Variants in LCK observed in about 807,000 individuals in gnomAD.
LCK encodes the protein tyrosine-protein kinase Lck.
Under a neutral mutation model 64.6 loss-of-function variants are expected in LCK, and 14 were observed. The observed-to-expected ratio is 0.22, with a 90% CI of 0.14 to 0.34. The LOEUF (loss-of-function observed/expected upper bound fraction) is 0.34. Ranked by LOEUF, LCK falls within the 10% of genes least tolerant of loss-of-function variation. LCK has a pLI of 1.00. For missense variants in LCK, 434 were observed against 668.1 expected (o/e 0.65, Z 3.86); for synonymous variants, 277 against 263.6 (o/e 1.05, Z -0.49).
chr1:32,267,916 C>A lies in LCK; in HGVS notation c.-5-6409C>A, dbSNP rs527979993. Among the ~76,000 whole-genome samples, 3 of 149,886 alleles carry A rather than the reference C, an allele frequency of 2.0e-5. No homozygotes were observed. In the East Asian group the frequency reaches 6.0e-4, roughly 30 times the overall value. On this transcript the variant is annotated intron_variant, in intron 1 of 12. Coordinates refer to ENST00000336890, the MANE Select transcript of LCK (RefSeq NM_005356.5). Reference sequence around the variant, plus strand: ...TCTCAAAAAATAATAATAATAAGGCCGGGCACAGTGGCTCACGCCTGTAAT... The same window carrying A: ...TCTCAAAAAATAATAATAATAAGGCAGGGCACAGTGGCTCACGCCTGTAAT...
At chr1:32,253,431 G>A (rs377657847) in intron 1 of LCK, among the ~76,000 whole-genome samples, 2 of 152,076 alleles carry the variant, frequency 1.3e-5, no homozygotes, top group Non-Finnish European at 2.9e-5. Context: ...ATTAACAGGC[G>A]CGCCACCATG....
intron 12 of LCK, among the ~76,000 whole-genome samples, chr1:32,285,153 T>C (rs1351167129): frequency 6.6e-6 from 1 of 151,874 alleles, no homozygotes; most frequent in East Asian, 1.9e-4. Context: ...AATACAAAAT[T>C]AGCTTGGCGT....
chr1:32,274,230 C>T, intron 1 of LCK, 95 bp from the exon 2 acceptor site: 1 of 1,596,938 alleles, frequency 6.3e-7, no homozygotes, highest in Non-Finnish European at 8.5e-7. Context: ...ATCTCAGGTA[C>T]TTTTGGAACT....
intron 1 of LCK, among the ~76,000 whole-genome samples, chr1:32,263,955 C>A (rs1322997146): frequency 1.3e-5 from 2 of 151,912 alleles, no homozygotes. Context: ...ATGGGGTATA[C>A]CCACATTTTG....
chr1:32,274,292 G>A (rs1283831307), intron 1 of LCK, 33 bp from the exon 2 acceptor site: 6 of 1,613,650 alleles, frequency 3.7e-6, no homozygotes, highest in Admixed American at 1.7e-5. Context: ...GATCTTGGGG[G>A]AGCCCCTTCA....
In LCK at chr1:32,285,559, G is replaced by T. The variant is rs1405031975; in HGVS notation, c.1373G>T (p.Arg458Leu). 7 of 1,614,118 alleles carry T rather than the reference G, an allele frequency of 4.3e-6. No individual in the cohort carries two copies. Among genetic ancestry groups the T allele is most frequent in the Non-Finnish European group, 5.9e-6 (7 of 1,180,052 alleles). The change falls in exon 13 of 13, where the codon CGC (arginine) becomes CTC (leucine). Residue 458 changes from arginine to leucine, a missense_variant. Physicochemically the swap from Arg to Leu is moderately radical, Grantham distance 102. This residue lies in a region of LCK where 201 missense variants were observed against 376.9 expected (regional missense o/e 0.53). Coordinates refer to ENST00000336890, the MANE Select transcript of LCK (RefSeq NM_005356.5). ...ATTCAGAACCTGGAGCGAGGCTACC[G>T]CATGGTGCGCCCTGACAACTGTCCA... ...EVIQNLERGYRMVRPDNCPEE... is the reference protein window; with the variant it reads ...EVIQNLERGYLMVRPDNCPEE...
At chr1:32,255,181 C>T (rs998719101) in intron 1 of LCK, among the ~76,000 whole-genome samples, 6 of 152,086 alleles carry the variant, frequency 3.9e-5, no homozygotes, top group African/African-American at 1.4e-4. Flanking sequence ...TGCAGGCTGG[C>T]AGACCGGGAC....
At chr1:32,268,010 C>T (rs1236951610) in intron 1 of LCK, among the ~76,000 whole-genome samples, 4 of 151,764 alleles carry the variant, frequency 2.6e-5, no homozygotes, top group Admixed American at 2.6e-4. Context: ...CTGGCAAACA[C>T]GATGAAACCC....
chr1:32,259,629 A>AATAAT (rs1639717536), intron 1 of LCK, among the ~76,000 whole-genome samples: 1 of 149,506 alleles, frequency 6.7e-6, no homozygotes, highest in South Asian at 2.1e-4. Context: ...AAAAAAATAA[A>AATAAT]AATAATAATA....
chr1:32,279,263 G>C (rs1232270400), intron 9 of LCK, among the ~76,000 whole-genome samples: 1 of 152,124 alleles, frequency 6.6e-6, no homozygotes, highest in Non-Finnish European at 1.5e-5. Flanking sequence ...ATTTTTTTTA[G>C]CAGGCAGAGA....
Position 32,280,196 on chromosome 1 carries a change from G to A in LCK, c.1313G>A (p.Arg438His). Residue 438 changes from arginine to histidine, a missense_variant, in exon 12 of 13, where the codon CGC becomes CAC. By Grantham distance (29) the Arg-to-His change is conservative. Around this residue, in one of 2 missense-constraint regions of LCK, gnomAD observed 201 missense variants for 376.9 expected, o/e 0.53. Coordinates refer to ENST00000336890, the MANE Select transcript of LCK (RefSeq NM_005356.5). ...ILLTEIVTHG[R>H]IPYPGMTNPE... is the part of the protein sequence containing the mutation. Reference sequence around the variant, plus strand: ...CTGACGGAAATTGTCACCCACGGCCGCATCCCTTACCCAGGTTAGAGCCAA... The same window carrying A: ...CTGACGGAAATTGTCACCCACGGCCACATCCCTTACCCAGGTTAGAGCCAA... The A allele has an allele frequency of 6.2e-7, 1 of 1,614,080 alleles. No homozygotes were observed. Among genetic ancestry groups the A allele is most frequent in the Non-Finnish European group, 8.5e-7 (1 of 1,180,010 alleles).
At chr1:32,267,189 G>T (rs1557577495) in intron 1 of LCK, among the ~76,000 whole-genome samples, 1 of 151,992 alleles carries the variant, frequency 6.6e-6, no homozygotes, top group Non-Finnish European at 1.5e-5. Flanking sequence ...AAAGTCATTT[G>T]CAGTCACAGA....
chr1:32,274,964 G>C (rs948436853), intron 3 of LCK, 29 bp from the exon 4 acceptor site: 2 of 1,614,000 alleles, frequency 1.2e-6, no homozygotes, highest in African/African-American at 2.7e-5. Context: ...TCCCAGCTCG[G>C]TTCTCCCTGA....
At position 32,275,978 on chromosome 1, in the gene LCK, G is replaced by T. The variant is rs1323990193; in HGVS notation, c.546G>T (p.Lys182Asn). The T allele has an allele frequency of 3.1e-6, 5 of 1,614,178 alleles. No homozygotes were observed. Among genetic ancestry groups the T allele is most frequent in the Non-Finnish European group, 4.2e-6 (5 of 1,180,014 alleles). The change falls in exon 7 of 13, where the codon AAG becomes AAT. Residue 182 changes from lysine (K) to asparagine (N), a missense_variant. By Grantham distance (94) the Lys-to-Asn change is moderately conservative. Transcript: ENST00000336890. The surrounding 1 kb of genome is among the most constrained non-coding windows in gnomAD (Gnocchi z 6.9). ...AGGGAGAGGTGGTGAAACATTACAA[G>T]ATCCGTAATCTGGACAACGGTGGCT... Reference protein sequence around the residue: ...QNQGEVVKHYKIRNLDNGGFY... With the variant: ...QNQGEVVKHYNIRNLDNGGFY...
At chr1:32,264,518 T>C (rs1333010040) in intron 1 of LCK, among the ~76,000 whole-genome samples, 3 of 151,968 alleles carry the variant, frequency 2.0e-5, no homozygotes, top group Non-Finnish European at 2.9e-5. Flanking sequence ...GGTTTTGATA[T>C]GAGTTTTGCA....
intron 9 of LCK, among the ~76,000 whole-genome samples, chr1:32,277,876 A>T (rs186574621): frequency 4.7e-4 from 72 of 152,308 alleles, no homozygotes; most frequent in Admixed American, 2.6e-3. Context: ...CATACAGAGC[A>T]GTTAGAACTA....
At chr1:32,267,140 G>T (rs776110514) in intron 1 of LCK, among the ~76,000 whole-genome samples, 1 of 151,706 alleles carries the variant, frequency 6.6e-6, no homozygotes, top group Non-Finnish European at 1.5e-5. Context: ...CTTTACTGGG[G>T]GCTCTTGTTG....
rs963065697 is a variant in LCK, at chr1:32,285,376, T to C, written c.1328-138T>C. 7 of 762,348 alleles carry C rather than the reference T, an allele frequency of 9.2e-6. No homozygotes were observed. The African/African-American group carries it at 1.2e-4, about 13-fold the overall frequency. 47.2% of individuals were successfully genotyped at this position (762,348 alleles called of 1,614,324 possible). ...ACTGATATTCAACAAGTACCTCTAG[T>C]GTGACCTTACCATTGATGAAGACCA... is the stretch of plus-strand genomic sequence containing the variant. On this transcript the variant is annotated intron_variant, in intron 12 of 12. Transcript: ENST00000336890.
At chr1:32,281,976 A>G (rs1640475015) in intron 12 of LCK, among the ~76,000 whole-genome samples, 1 of 152,164 alleles carries the variant, frequency 6.6e-6, no homozygotes, top group Non-Finnish European at 1.5e-5. Context: ...AGGCTGAGGC[A>G]GGAGAATTGC....
Sources: allele counts gnomAD v4.1 joint callset (sites outside exome capture counted in the v4.1 genomes callset), GRCh38; gene constraint gnomAD v4.1.1; regional missense constraint gnomAD v4.1.1; non-coding constraint Gnocchi (gnomAD v3.1); transcripts MANE v1.5; gene names NCBI Gene and HGNC (gene_info 2026-07-23, HGNC 2026-07-21).